SLC12A1: variants seen among roughly 807,000 people sequenced by gnomAD.
SLC12A1 encodes solute carrier family 12 member 1.
Under a neutral mutation model 130.4 loss-of-function variants are expected in SLC12A1, and 89 were observed. That is an observed-to-expected ratio of 0.68 (90% CI 0.58 to 0.81). The LOEUF is 0.81. SLC12A1 is among the 40% of genes least tolerant of loss of function. The probability of loss-of-function intolerance (pLI) is 0.00; values close to 1 mark genes in which losing one functional copy is unlikely to be tolerated. For synonymous variants in SLC12A1, 499 were observed against 460.0 expected (o/e 1.08, Z -1.09); for missense variants, 1,310 against 1,336.4 (o/e 0.98, Z 0.31).
At chr15:48,261,003 C>T (rs1451635630) in intron 17 of SLC12A1, among the ~76,000 whole-genome samples, 1 of 152,120 alleles carries the variant, frequency 6.6e-6, no homozygotes, top group Non-Finnish European at 1.5e-5. Flanking sequence ...GTGAGATTGA[C>T]AGGTTAAGTA....
intron 19 of SLC12A1, among the ~76,000 whole-genome samples, chr15:48,274,088 C>T (rs935112767): frequency 9.9e-5 from 15 of 152,090 alleles, no homozygotes; most frequent in African/African-American, 3.6e-4. Context: ...GGTTTAGAGT[C>T]AATTCTGAAA....
At chr15:48,206,789 C>T (rs1403852912) in intron 1 of SLC12A1, among the ~76,000 whole-genome samples, 2 of 152,048 alleles carry the variant, frequency 1.3e-5, no homozygotes, top group Non-Finnish European at 2.9e-5. Context: ...TTTACCTAAA[C>T]ATAGCAGAGG....
chr15:48,240,010 CATAT>C (rs1194360232), intron 9 of SLC12A1, among the ~76,000 whole-genome samples: 2 of 96,666 alleles, frequency 2.1e-5, no homozygotes, highest in East Asian at 3.1e-4. Context: ...ATCTGTTATC[CATAT>C]ATATATATAT....
At position 48,244,810 on chromosome 15, in the gene SLC12A1, T is replaced by A. The variant is rs1467954109; in HGVS notation, c.1358T>A (p.Met453Lys). The change falls in exon 11 of 27, where the codon ATG (methionine) becomes AAG (lysine). Residue 453 changes from methionine to lysine, a missense_variant. By Grantham distance (95) the Met-to-Lys change is moderately conservative. Coordinates refer to ENST00000380993, the MANE Select transcript of SLC12A1 (RefSeq NM_000338.3). The part of the protein sequence containing the change: ...GNMNDTIISG[M>K]NCNGSAACGL... ...ATGAATGACACCATCATTTCTGGGA[T>A]GAACTGCAATGGTTCAGCAGCATGT... 1 of 1,613,836 alleles carries A rather than the reference T, an allele frequency of 6.2e-7. No individual in the cohort carries two copies. Among genetic ancestry groups the A allele is most frequent in the Admixed American group, 1.7e-5 (1 of 60,010 alleles).
intron 21 of SLC12A1, among the ~76,000 whole-genome samples, chr15:48,286,610 G>A (rs1016508549): frequency 3.3e-5 from 5 of 152,122 alleles, no homozygotes; most frequent in African/African-American, 4.8e-5. Flanking sequence ...TTATGACAGC[G>A]GGACTTGTTA....
At chr15:48,237,143 A>G in intron 9 of SLC12A1, 1 of 644,570 alleles carries the variant, frequency 1.6e-6, no homozygotes, top group Non-Finnish European at 2.8e-6. Context: ...AAGTAAAGGA[A>G]GACTTTCAGA....
intron 19 of SLC12A1, among the ~76,000 whole-genome samples, chr15:48,273,292 C>T (rs6493314): frequency 0.25 from 37,421 of 151,906 alleles, 6,044 homozygotes; most frequent in African/African-American, 0.44. Context: ...TCAAAGCCAG[C>T]GATGGCTGGT....
At position 48,247,429 on chromosome 15, in the gene SLC12A1, T is replaced by G. The variant is rs142886182; in HGVS notation, c.1653T>G (p.Thr551=). 22 of 1,609,884 alleles carry G rather than the reference T, an allele frequency of 1.4e-5. No homozygotes were observed. The African/African-American group carries it at 2.7e-4, about 20-fold the overall frequency. ...NNEPLRGYIL[T]FLIAMAFILI... is the part of the protein sequence containing the mutation. The stretch of plus-strand genomic sequence containing the variant: ...AACCCCTGAGAGGATATATTCTCAC[T>G]TTTCTTATAGCCATGGCATTTATTC... Residue 551 remains threonine (T), a synonymous_variant, in exon 13 of 27, where the codon ACT becomes ACG. Coordinates refer to ENST00000380993, the MANE Select transcript of SLC12A1 (RefSeq NM_000338.3).
At chr15:48,235,367 A>G (rs2041428794) in intron 9 of SLC12A1, 1 of 291,958 alleles carries the variant, frequency 3.4e-6, no homozygotes, top group African/African-American at 2.2e-5. Flanking sequence ...AAAACAAAAC[A>G]AAGGAAAATA....
At chr15:48,255,240 C>A (rs1429938233) in intron 15 of SLC12A1, among the ~76,000 whole-genome samples, 1 of 152,074 alleles carries the variant, frequency 6.6e-6, no homozygotes, top group African/African-American at 2.4e-5. Context: ...GAGTTTGAGA[C>A]CAGTCTGGCC....
intron 10 of SLC12A1, among the ~76,000 whole-genome samples, chr15:48,244,301 T>C (rs1419962295): frequency 6.6e-6 from 1 of 152,202 alleles, no homozygotes; most frequent in Non-Finnish European, 1.5e-5. Context: ...GGAATATCAT[T>C]AGTTGAAAAG....
chr15:48,292,058 T>G (rs2042127339), intron 24 of SLC12A1, among the ~76,000 whole-genome samples, 194 bp downstream of exon 24: 1 of 152,248 alleles, frequency 6.6e-6, no homozygotes, highest in African/African-American at 2.4e-5. Context: ...GCTTTTACAG[T>G]GAAGACAAGC....
intron 17 of SLC12A1, among the ~76,000 whole-genome samples, chr15:48,260,438 T>G (rs1220625697): frequency 6.6e-6 from 1 of 151,864 alleles, no homozygotes; most frequent in Non-Finnish European, 1.5e-5. Flanking sequence ...TACTTACGTA[T>G]TCTTCAAACC....
intron 2 of SLC12A1, among the ~76,000 whole-genome samples, chr15:48,208,862 A>G (rs144030721): frequency 9.9e-5 from 15 of 152,270 alleles, no homozygotes; most frequent in Non-Finnish European, 2.2e-4. Context: ...TATTTTTTAT[A>G]TTCTTTAAAG....
At chr15:48,228,651 G>A in intron 5 of SLC12A1, 1 of 241,056 alleles carries the variant, frequency 4.1e-6, no homozygotes, top group Non-Finnish European at 8.7e-6. Flanking sequence ...TTTAAAGAAT[G>A]GATAATACAG....
In SLC12A1 at chr15:48,211,282, T is replaced by A. The variant is rs554725990; in HGVS notation, c.420+3143T>A. On this transcript the variant is annotated intron_variant, in intron 2 of 26. Transcript: ENST00000380993. ...GTTGCTGAAATTGTATGGCCTAGCC[T>A]GGCTCTCCATGTGTAGCAGTCTGGG... is the stretch of plus-strand genomic sequence containing the variant. Among the ~76,000 whole-genome samples the A allele has an allele frequency of 3.3e-5, 5 of 152,362 alleles. No homozygotes were observed. The South Asian group carries it at 1.0e-3, about 32-fold the overall frequency.
chr15:48,224,268 T>C (rs1048731168), intron 4 of SLC12A1: 1 of 151,934 alleles, frequency 6.6e-6, no homozygotes, highest in Non-Finnish European at 1.5e-5. Context: ...TTAGAGAGGG[T>C]ATTGTAGGAG....
At position 48,227,459 on chromosome 15, in the gene SLC12A1, A is replaced by T. The variant is rs1224656332; in HGVS notation, c.724+888A>T. The stretch of plus-strand genomic sequence containing the variant: ...ATAGCAAAATATATGGTTTCTTTGT[A>T]CCTTGGATGAGACCCACTGGCTCTC... On this transcript the variant is annotated intron_variant, in intron 5 of 26. Transcript: ENST00000380993. The T allele has an allele frequency of 7.9e-5, 31 of 391,496 alleles. No individual in the cohort carries two copies. In the Admixed American group the frequency reaches 1.2e-3, roughly 15 times the overall value. The allele number at this position is 391,496 out of a possible 1,614,324, so 24.3% of individuals were successfully genotyped here. A position where few individuals can be genotyped will look rare whatever the true frequency, so the allele number is the denominator to read the frequency against.
intron 23 of SLC12A1, among the ~76,000 whole-genome samples, chr15:48,289,394 C>CATATATATATATATATATATAT (rs10609887): frequency 8.9e-6 from 1 of 112,896 alleles, no homozygotes; most frequent in Non-Finnish European, 1.7e-5. Flanking sequence ...GTGAATGTGA[C>CATATATATATATATATATATAT]ATATATATAT....
Sources: allele counts gnomAD v4.1 joint callset (sites outside exome capture counted in the v4.1 genomes callset), GRCh38; gene constraint gnomAD v4.1.1; transcripts MANE v1.5; gene names NCBI Gene and HGNC (gene_info 2026-07-23, HGNC 2026-07-21).